Variants in SRSF11 observed in about 807,000 individuals in gnomAD.
SRSF11 encodes serine/arginine-rich splicing factor 11.
In SRSF11, 9 loss-of-function variants were observed where a neutral mutation model predicts 56.0. That is an observed-to-expected ratio of 0.16 (90% CI 0.10 to 0.28). The LOEUF (loss-of-function observed/expected upper bound fraction) is 0.28. Among genes scored for constraint, SRSF11 ranks in the 10% least tolerant of loss-of-function variants. SRSF11 has a pLI of 1.00. For missense variants in SRSF11, 421 were observed against 600.7 expected (o/e 0.70, Z 3.13); for synonymous variants, 222 against 215.3 (o/e 1.03, Z -0.27).
Position 70,235,626 on chromosome 1 carries a change from T to G in SRSF11, c.590+76T>G, listed in dbSNP as rs920882035. Reference sequence around the variant, plus strand: ...CAGAATTAGAGTTTTTTTGATAGCTTATAAGAAAGTTATCAAGTTATCTTT... The same window carrying G: ...CAGAATTAGAGTTTTTTTGATAGCTGATAAGAAAGTTATCAAGTTATCTTT... On this transcript the variant is annotated intron_variant, in intron 5 of 11. Coordinates refer to ENST00000370949, the MANE Select transcript of SRSF11 (RefSeq NM_001350605.2). 8 of 1,380,606 alleles carry G rather than the reference T, an allele frequency of 5.8e-6. No homozygotes were observed. The Admixed American group carries it at 6.8e-5, about 12-fold the overall frequency. 85.5% of individuals were successfully genotyped at this position (1,380,606 alleles called of 1,614,324 possible).
At chr1:70,216,085 C>A (rs1669975230) in intron 1 of SRSF11, among the ~76,000 whole-genome samples, 1 of 152,148 alleles carries the variant, frequency 6.6e-6, no homozygotes, top group South Asian at 2.1e-4. Flanking sequence ...CGTGCGTGGC[C>A]TGTCTGCTCT....
chr1:70,231,672 C>G, intron 2 of SRSF11: 1 of 1,180,684 alleles, frequency 8.5e-7, no homozygotes, highest in Non-Finnish European at 1.1e-6. Flanking sequence ...TATTCATTTT[C>G]ATGAGTCAGC....
Position 70,250,426 on chromosome 1 carries a change from TCAA to T in SRSF11, c.1184_1186del (p.Thr395del), listed in dbSNP as rs1294767325. ...AAGAAGTAGGGATGAAAGAGAACGATCAACAAGCAAGAAGAAGAAGAGTAAAGA... is the reference window on the plus strand; with the variant it reads ...AAGAAGTAGGGATGAAAGAGAACGATCAAGCAAGAAGAAGAAGAGTAAAGA... On this transcript the variant is annotated inframe_deletion, in exon 11 of 12. Coordinates refer to ENST00000370949, the MANE Select transcript of SRSF11 (RefSeq NM_001350605.2). The T allele has an allele frequency of 6.3e-7, 1 of 1,594,668 alleles. No homozygotes were observed. Among genetic ancestry groups the T allele is most frequent in the Non-Finnish European group, 8.6e-7 (1 of 1,162,794 alleles).
In SRSF11 at chr1:70,221,575, CCTT is replaced by C. The variant is rs1251086831; in HGVS notation, c.-59_-57del. The C allele has an allele frequency of 9.7e-6, 15 of 1,546,804 alleles. No homozygotes were observed. Among genetic ancestry groups the C allele is most frequent in the East Asian group, 2.3e-5 (1 of 43,336 alleles). On this transcript the variant is annotated 5_prime_UTR_variant, in exon 1 of 12. Coordinates refer to ENST00000370949, the MANE Select transcript of SRSF11 (RefSeq NM_001350605.2). ...CCGCAATCCGGTTCCTCTTCCCCCT[CCTT>C]CTCACTGTTTGTTGTGTGTTTGATG...
intron 1 of SRSF11, among the ~76,000 whole-genome samples, chr1:70,212,943 TG>T (rs975630113): frequency 1.4e-5 from 2 of 147,492 alleles, no homozygotes; most frequent in Non-Finnish European, 1.5e-5. Flanking sequence ...TCCCAGCTAC[TG>T]GGGGGGTGGG....
intron 1 of SRSF11, among the ~76,000 whole-genome samples, chr1:70,225,825 G>A (rs575221351): frequency 2.0e-5 from 3 of 152,126 alleles, no homozygotes; most frequent in African/African-American, 7.2e-5. Context: ...AAAGAGATAC[G>A]GAGTAAAATA....
intron 2 of SRSF11, chr1:70,231,581 ATGT>A (rs1672850550): frequency 2.7e-6 from 3 of 1,127,410 alleles, no homozygotes; most frequent in African/African-American, 1.6e-5. Flanking sequence ...GGAATGTGCC[ATGT>A]TGTTTTACCT....
chr1:70,219,069 A>C (rs1670276739), upstream of SRSF11, among the ~76,000 whole-genome samples: 1 of 152,258 alleles, frequency 6.6e-6, no homozygotes, highest in African/African-American at 2.4e-5. Context: ...TAACTGGCAC[A>C]AGGTAAATGC....
intron 9 of SRSF11, chr1:70,249,458 AG>A (rs1487301858): frequency 3.3e-5 from 5 of 152,178 alleles, no homozygotes; most frequent in African/African-American, 1.2e-4. Flanking sequence ...AGAAATTAGG[AG>A]TTTTCTTGAG....
At chr1:70,232,072 A>G in intron 2 of SRSF11, 196 bp from the exon 3 acceptor site, 1 of 1,533,328 alleles carries the variant, frequency 6.5e-7, no homozygotes, top group Non-Finnish European at 8.8e-7. Context: ...AAAAGGAAAC[A>G]AATTTTCACA....
In SRSF11 at chr1:70,252,001, A is replaced by G. The variant is rs1678026786; in HGVS notation, c.*1196A>G. On this transcript the variant is annotated 3_prime_UTR_variant, in exon 12 of 12. Coordinates refer to ENST00000370949, the MANE Select transcript of SRSF11 (RefSeq NM_001350605.2). The stretch of plus-strand genomic sequence containing the variant: ...CTTTGATAATAAAACCCTTAAACTT[A>G]TGTTCATGTTCCTGTAAAACCGTAT... The G allele has an allele frequency of 6.5e-6, 1 of 152,702 alleles. No individual in the cohort carries two copies. 9.5% of individuals were successfully genotyped at this position (152,702 alleles called of 1,614,324 possible).
At chr1:70,221,893 A>G in intron 1 of SRSF11, 54 bp downstream of exon 1, 5 of 1,603,842 alleles carry the variant, frequency 3.1e-6, no homozygotes, top group Non-Finnish European at 4.3e-6. Context: ...GCCTGGGCCT[A>G]ACACACACAA....
At chr1:70,245,750 T>G (rs1183763870) in intron 8 of SRSF11, among the ~76,000 whole-genome samples, 1 of 152,150 alleles carries the variant, frequency 6.6e-6, no homozygotes, top group African/African-American at 2.4e-5. Flanking sequence ...GAAAATGAGG[T>G]CAGAAAAATA....
chr1:70,243,801 A>T (rs1415194210), intron 7 of SRSF11, among the ~76,000 whole-genome samples: 1 of 152,186 alleles, frequency 6.6e-6, no homozygotes, highest in African/African-American at 2.4e-5. Context: ...CTATAATCCC[A>T]ACTCTGGGAG....
At chr1:70,248,932 T>G (rs2101021930) in intron 9 of SRSF11, 1 of 152,316 alleles carries the variant, frequency 6.6e-6, no homozygotes, top group East Asian at 1.9e-4. Flanking sequence ...AATGCTCAGT[T>G]ATGTGTAACG....
At chr1:70,226,371 A>G (rs537317457) in intron 1 of SRSF11, among the ~76,000 whole-genome samples, 1 of 152,196 alleles carries the variant, frequency 6.6e-6, no homozygotes, top group Non-Finnish European at 1.5e-5. Context: ...ATCACTTAAC[A>G]GGTTTTGATA....
Position 70,246,850 on chromosome 1 carries a change from G to C in SRSF11, c.965G>C (p.Arg322Pro). Residue 322 changes from arginine to proline, a missense_variant, in exon 9 of 12, where the codon CGT becomes CCT. Arg to Pro is a moderately radical substitution (Grantham distance 103, BLOSUM62 -2). Around this residue, in one of 2 missense-constraint regions of SRSF11, gnomAD observed 253 missense variants for 305.8 expected, o/e 0.83. Coordinates refer to ENST00000370949, the MANE Select transcript of SRSF11 (RefSeq NM_001350605.2). ...AAGAAAGAAGACAAAGAAAAGAAAC[G>C]TTCTAAAACACCACCAAAAAGTTAC... ...DKKKEDKEKK[R>P]SKTPPKSYST... The C allele has an allele frequency of 6.2e-7, 1 of 1,611,148 alleles. No individual in the cohort carries two copies. Among genetic ancestry groups the C allele is most frequent in the Non-Finnish European group, 8.5e-7 (1 of 1,178,656 alleles).
At chr1:70,219,074 A>G (rs1670277755), upstream of SRSF11, among the ~76,000 whole-genome samples, 1 of 152,218 alleles carries the variant, frequency 6.6e-6, no homozygotes. Flanking sequence ...GGCACAAGGT[A>G]AATGCTCATT....
intron 2 of SRSF11, chr1:70,231,376 T>C: frequency 9.5e-7 from 1 of 1,055,472 alleles, no homozygotes; most frequent in Non-Finnish European, 1.1e-6. Context: ...TTAAATTGTC[T>C]ACATAAATAT....
Sources: gnomAD v4.1 joint callset for allele counts (sites outside exome capture counted in the v4.1 genomes callset) on GRCh38, gnomAD v4.1.1 for gene constraint, gnomAD v4.1.1 regional missense constraint, MANE v1.5 for transcripts, NCBI Gene and HGNC (gene_info 2026-07-23, HGNC 2026-07-21) for gene names.